Variants in ADHFE1 observed in about 807,000 individuals in gnomAD.
The protein encoded by ADHFE1 is alcohol dehydrogenase iron containing 1, also known as hydroxyacid-oxoacid transhydrogenase, mitochondrial.
A neutral mutation model predicts 54.8 loss-of-function variants in ADHFE1; 37 were observed. That is an observed-to-expected ratio of 0.68 (90% CI 0.52 to 0.89). ADHFE1 has a LOEUF of 0.89. Ranked by LOEUF, ADHFE1 falls within the 40% of genes least tolerant of loss-of-function variation. The pLI, the probability that ADHFE1 is intolerant of heterozygous loss-of-function variation, is 0.00. For synonymous variants in ADHFE1, 203 were observed against 229.3 expected (o/e 0.89, Z 1.04); for missense variants, 601 against 591.2 (o/e 1.02, Z -0.17).
intron 9 of ADHFE1, chr8:66,453,801 C>G (rs1806432692): frequency 1.4e-6 from 2 of 1,441,784 alleles, no homozygotes; most frequent in South Asian, 1.1e-5. Flanking sequence ...CAGCGCGTTG[C>G]CTCCCCCGGC....
Position 66,458,382 on chromosome 8 carries a change from G to C in ADHFE1, c.1162+1216G>C, listed in dbSNP as rs1863638. On this transcript the variant is annotated intron_variant, in intron 12 of 13. Transcript: ENST00000396623. The stretch of plus-strand genomic sequence containing the variant: ...TAATGACACAAGCCCAGGGCAGAGA[G>C]GGGCCAGGGGCTCCATTTCCCAGAG... 3.4e-3 allele frequency among the ~76,000 whole-genome samples: 518 copies of C among 152,312 alleles called. 12 individuals are homozygous for C. In the East Asian group the frequency reaches 0.046, roughly 14 times the overall value.
chr8:66,443,422 T>TCCCACACCA (rs1376112835), intron 3 of ADHFE1, among the ~76,000 whole-genome samples: 3 of 151,862 alleles, frequency 2.0e-5, no homozygotes, highest in Non-Finnish European at 2.9e-5. Context: ...GGATTACAGG[T>TCCCACACCA]GCACACCACC....
At chr8:66,442,922 T>A in intron 3 of ADHFE1, 78 bp downstream of exon 3, 1 of 1,184,644 alleles carries the variant, frequency 8.4e-7, no homozygotes, top group South Asian at 1.4e-5. Flanking sequence ...TAATGAATTA[T>A]TATTTTATTT....
At position 66,446,685 on chromosome 8, in the gene ADHFE1, C is replaced by T. The variant is rs540928327; in HGVS notation, c.551-579C>T. On this transcript the variant is annotated intron_variant, in intron 6 of 13. Coordinates refer to ENST00000396623, the MANE Select transcript of ADHFE1 (RefSeq NM_144650.3). ...AGAAGCAGGCAATATGCATATTAAA[C>T]ATGACCATGTTAATGCAGACACATA... Among the ~76,000 whole-genome samples, 195 of 152,272 alleles carry T rather than the reference C, an allele frequency of 1.3e-3. 2 individuals carry two copies. Among genetic ancestry groups the T allele is most frequent in the African/African-American group, 4.5e-3 (186 of 41,522 alleles).
intron 7 of ADHFE1, 27 bp downstream of exon 7, chr8:66,447,368 CCCTTA>C: frequency 6.5e-7 from 1 of 1,530,234 alleles, no homozygotes; most frequent in Non-Finnish European, 9.0e-7. Flanking sequence ...TGAATTATCT[CCCTTA>C]CCTTTCAACT....
intron 8 of ADHFE1, 93 bp from the exon 9 acceptor site, chr8:66,451,860 G>C (rs1016357009): frequency 6.7e-7 from 1 of 1,485,180 alleles, no homozygotes. Context: ...TGTGGGTTGA[G>C]TGCCAAACAG....
chr8:66,446,744 G>C (rs1806051978), intron 6 of ADHFE1, among the ~76,000 whole-genome samples: 1 of 152,138 alleles, frequency 6.6e-6, no homozygotes, highest in South Asian at 2.1e-4. Context: ...TGCTAAACAT[G>C]CACGTATGTT....
rs1215244633 is a variant in ADHFE1, at chr8:66,444,416, G to T, written c.194G>T (p.Gly65Val). The stretch of plus-strand genomic sequence containing the variant: ...GGAGCAGCAGTTACAAAGGAAGTAG[G>T]AATGGCAAGTATTCGAGATGTCTAC... ...RYGAAVTKEV[G>V]MDLKNMGAKN... The change falls in exon 4 of 14, where the codon GGA becomes GTA. Residue 65 changes from glycine (G) to valine (V), a missense_variant. Gly to Val is a moderately radical substitution (Grantham distance 109). Transcript: ENST00000396623. 3 of 1,613,960 alleles carry T rather than the reference G, an allele frequency of 1.9e-6. No homozygotes were observed. Among genetic ancestry groups the T allele is most frequent in the Admixed American group, 1.7e-5 (1 of 60,002 alleles).
At chr8:66,456,791 A>G in intron 10 of ADHFE1, 26 bp from the exon 11 acceptor site, 6 of 1,558,220 alleles carry the variant, frequency 3.9e-6, no homozygotes, top group Non-Finnish European at 4.4e-6. Flanking sequence ...CTGTGTATGA[A>G]CATAAGGATT....
chr8:66,442,702 A>T (rs1293833443), intron 2 of ADHFE1, 96 bp from the exon 3 acceptor site: 9 of 1,102,398 alleles, frequency 8.2e-6, no homozygotes, highest in Non-Finnish European at 1.2e-5. Context: ...TAAGACTTCA[A>T]AGGAAATACT....
At chr8:66,468,103 T>C (rs1280673219) in intron 13 of ADHFE1, among the ~76,000 whole-genome samples, 166 bp from the exon 14 acceptor site, 1 of 152,194 alleles carries the variant, frequency 6.6e-6, no homozygotes, top group African/African-American at 2.4e-5. Context: ...GATAAACCTC[T>C]GAGATGGGGA....
chr8:66,466,035 T>C (rs1435248415), intron 13 of ADHFE1, among the ~76,000 whole-genome samples: 3 of 123,774 alleles, frequency 2.4e-5, no homozygotes, highest in Admixed American at 8.9e-5. Context: ...CAGCCTAGTT[T>C]ATCTGTTTTT....
intron 1 of ADHFE1, among the ~76,000 whole-genome samples, chr8:66,437,684 C>T (rs1390184163): frequency 1.3e-5 from 2 of 152,204 alleles, no homozygotes; most frequent in Non-Finnish European, 2.9e-5. Context: ...TTATGCCTGG[C>T]ACTTACTTGG....
chr8:66,452,934 G>T (rs1806374879), intron 9 of ADHFE1, among the ~76,000 whole-genome samples: 1 of 152,226 alleles, frequency 6.6e-6, no homozygotes, highest in South Asian at 2.1e-4. Context: ...GGTAGGCTAG[G>T]CCTAGACGTG....
chr8:66,445,541 G>A lies in ADHFE1; in HGVS notation c.550+127G>A, dbSNP rs1474482816. 7.0e-6 allele frequency: 6 copies of A among 855,630 alleles called. No homozygotes were observed. In the East Asian group the frequency reaches 1.4e-4, roughly 20 times the overall value. 53.0% of individuals were successfully genotyped at this position (855,630 alleles called of 1,614,324 possible). On this transcript the variant is annotated intron_variant, in intron 6 of 13. Transcript: ENST00000396623. The stretch of plus-strand genomic sequence containing the variant: ...TCTGGTTTGTTCATTTCAAATCAAT[G>A]CCTTGTTTGGAGAACAATCATTCAT...
At chr8:66,466,323 T>C (rs2130503624) in intron 13 of ADHFE1, among the ~76,000 whole-genome samples, 1 of 150,778 alleles carries the variant, frequency 6.6e-6, no homozygotes, top group African/African-American at 2.4e-5. Context: ...TGACCTCAAG[T>C]GATCCGCCTG....
intron 1 of ADHFE1, among the ~76,000 whole-genome samples, chr8:66,434,820 C>G (rs1805380312): frequency 6.6e-6 from 1 of 152,210 alleles, no homozygotes; most frequent in Non-Finnish European, 1.5e-5. Context: ...CATTCCGTCT[C>G]CAGATGTGCA....
intron 1 of ADHFE1, among the ~76,000 whole-genome samples, chr8:66,434,112 G>C (rs1389212718): frequency 6.6e-6 from 1 of 152,236 alleles, no homozygotes; most frequent in Admixed American, 6.5e-5. Context: ...AGTTCCTTGG[G>C]TAGATAGAAA....
intron 6 of ADHFE1, 49 bp from the exon 7 acceptor site, chr8:66,447,215 C>G (rs1445411100): frequency 6.4e-6 from 10 of 1,553,318 alleles, no homozygotes; most frequent in Non-Finnish European, 8.9e-6. Flanking sequence ...GGTATCTCCA[C>G]TAACCTTTAT....
Sources: gnomAD v4.1 joint callset for allele counts (sites outside exome capture counted in the v4.1 genomes callset) on GRCh38, gnomAD v4.1.1 for gene constraint, MANE v1.5 for transcripts, NCBI Gene and HGNC (gene_info 2026-07-23, HGNC 2026-07-21) for gene names.